Variants in LRFN5 observed in about 807,000 individuals in gnomAD.
The protein encoded by LRFN5 is leucine-rich repeat and fibronectin type-III domain-containing protein 5.
A neutral mutation model predicts 45.6 loss-of-function variants in LRFN5; 24 were observed. The observed-to-expected ratio is 0.53, with a 90% CI of 0.38 to 0.74. LRFN5 has a LOEUF of 0.74. Ranked by LOEUF, LRFN5 falls within the 30% of genes least tolerant of loss-of-function variation. The pLI, the probability that LRFN5 is intolerant of heterozygous loss-of-function variation, is 0.00. For missense variants in LRFN5, 776 were observed against 861.5 expected (o/e 0.90, Z 1.24); for synonymous variants, 340 against 313.8 (o/e 1.08, Z -0.88).
chr14:41,720,224 G>A (rs1290725765), intron 1 of LRFN5, among the ~76,000 whole-genome samples: 1 of 152,050 alleles, frequency 6.6e-6, no homozygotes, highest in African/African-American at 2.4e-5. Context: ...AATTTACTTA[G>A]GATAATGGTA....
At chr14:41,884,858 T>A (rs2139146614) in intron 2 of LRFN5, among the ~76,000 whole-genome samples, 1 of 152,144 alleles carries the variant, frequency 6.6e-6, no homozygotes, top group Admixed American at 6.5e-5. Context: ...CAATCTGGGG[T>A]CATTCTAAAT....
intron 3 of LRFN5, among the ~76,000 whole-genome samples, chr14:41,889,865 C>CTTTA (rs1048592033): frequency 1.3e-5 from 2 of 151,954 alleles, no homozygotes; most frequent in African/African-American, 2.4e-5. Flanking sequence ...TCTATAAACT[C>CTTTA]TTTATTTATT....
intron 1 of LRFN5, among the ~76,000 whole-genome samples, chr14:41,755,022 A>G (rs1885310291): frequency 2.6e-5 from 4 of 151,538 alleles, no homozygotes; most frequent in Non-Finnish European, 5.9e-5. Context: ...TTCGTTATGT[A>G]CCCGGTAGTC....
chr14:41,748,684 T>A (rs939264777), intron 1 of LRFN5, among the ~76,000 whole-genome samples: 4 of 151,846 alleles, frequency 2.6e-5, no homozygotes, highest in Admixed American at 2.0e-4. Context: ...TATTAAAAAC[T>A]CAGAAAAAAA....
At chr14:41,710,906 C>G (rs1468696971) in intron 1 of LRFN5, among the ~76,000 whole-genome samples, 2 of 147,994 alleles carry the variant, frequency 1.4e-5, no homozygotes, top group East Asian at 3.9e-4. Context: ...TGATGGTTTG[C>G]AGCTTCATCC....
In LRFN5 at chr14:41,891,913, C is replaced by G. The variant is rs559959500; in HGVS notation, c.2049C>G (p.Pro683=). 6.2e-7 allele frequency: 1 copy of G among 1,613,944 alleles called. No homozygotes were observed. The highest frequency in any genetic ancestry group is 1.7e-5 in the Admixed American group (1 of 59,986). ...CCTTGCAGTTAGCTAGCCGTCCTCC[C>G]GATTCTGTCACAGAGGGGCCCACGT... ...STALQLASRP[P]DSVTEGPTSK... is the part of the protein sequence containing the mutation. The change falls in exon 4 of 6, where the codon CCC becomes CCG. Residue 683 remains proline, a synonymous_variant. Transcript: ENST00000298119.
At chr14:41,729,997 G>A (rs544655231) in intron 1 of LRFN5, among the ~76,000 whole-genome samples, 4 of 151,968 alleles carry the variant, frequency 2.6e-5, no homozygotes, top group Non-Finnish European at 5.9e-5. Flanking sequence ...AAACCAAATC[G>A]TATATAAACT....
intron 5 of LRFN5, among the ~76,000 whole-genome samples, chr14:41,903,901 T>C (rs1891171673): frequency 6.6e-6 from 1 of 152,032 alleles, no homozygotes; most frequent in Non-Finnish European, 1.5e-5. Flanking sequence ...TTATCTAGGC[T>C]TCATATACTT....
In LRFN5 at chr14:41,664,755, ACAAAAATGATTAT is replaced by A. The variant is rs536528494; in HGVS notation, c.-197+56194_-197+56206del. Among the ~76,000 whole-genome samples the A allele has an allele frequency of 5.4e-3, 821 of 152,198 alleles. 10 individuals are homozygous for A. Among genetic ancestry groups the A allele is most frequent in the Non-Finnish European group, 8.2e-3 (556 of 67,980 alleles). On this transcript the variant is annotated intron_variant, in intron 1 of 5. Transcript: ENST00000298119. Reference sequence around the variant, plus strand: ...AAAATTATGCAATATACATTCAATCACAAAAATGATTATTTTTCTACTCTGAGAGAGTTCTTTA... The same window carrying A: ...AAAATTATGCAATATACATTCAATCATTTTCTACTCTGAGAGAGTTCTTTA...
chr14:41,756,120 T>G (rs1402176349), intron 1 of LRFN5, among the ~76,000 whole-genome samples: 1 of 152,210 alleles, frequency 6.6e-6, no homozygotes, highest in African/African-American at 2.4e-5. Context: ...TTGTAGAGTA[T>G]CTGCCGAGAG....
chr14:41,794,810 A>G (rs1349847453), intron 2 of LRFN5, among the ~76,000 whole-genome samples: 1 of 152,072 alleles, frequency 6.6e-6, no homozygotes, highest in Non-Finnish European at 1.5e-5. Flanking sequence ...ATATAAAAAA[A>G]TGCATAATCT....
intron 1 of LRFN5, among the ~76,000 whole-genome samples, chr14:41,766,277 C>T (rs1225930293): frequency 2.0e-5 from 3 of 151,928 alleles, no homozygotes; most frequent in African/African-American, 7.3e-5. Flanking sequence ...ACATGAAAAC[C>T]TCAAAAAGAG....
At chr14:41,893,621 A>G (rs1222915859) in intron 4 of LRFN5, 1 of 985,388 alleles carries the variant, frequency 1.0e-6, no homozygotes, top group Non-Finnish European at 1.2e-6. Flanking sequence ...TCCTTCTGGT[A>G]GAAGCATATA....
intron 1 of LRFN5, among the ~76,000 whole-genome samples, chr14:41,645,143 G>A (rs1455473658): frequency 6.6e-6 from 1 of 152,144 alleles, no homozygotes; most frequent in Non-Finnish European, 1.5e-5. Flanking sequence ...TTCACAGTCT[G>A]GTTGAGGGGA....
At chr14:41,825,445 G>A (rs1185189384) in intron 2 of LRFN5, among the ~76,000 whole-genome samples, 2 of 152,160 alleles carry the variant, frequency 1.3e-5, no homozygotes, top group Non-Finnish European at 2.9e-5. Context: ...GGGAGCTCTT[G>A]GTACGGGAGA....
intron 2 of LRFN5, among the ~76,000 whole-genome samples, chr14:41,793,223 C>A (rs1886996091): frequency 6.6e-6 from 1 of 151,932 alleles, no homozygotes. Context: ...TCATGTTCCT[C>A]TGCCGGGGCT....
intron 2 of LRFN5, among the ~76,000 whole-genome samples, chr14:41,872,256 T>C (rs1025155432): frequency 2.0e-5 from 3 of 152,250 alleles, no homozygotes; most frequent in Admixed American, 6.5e-5. Context: ...GTGGATGATT[T>C]ACTATTGAAA....
At chr14:41,860,445 A>G (rs1889621522) in intron 2 of LRFN5, among the ~76,000 whole-genome samples, 1 of 152,172 alleles carries the variant, frequency 6.6e-6, no homozygotes, top group South Asian at 2.1e-4. Context: ...CCAAATATAC[A>G]ATATTTTAAT....
At chr14:41,843,253 A>G (rs1888928774) in intron 2 of LRFN5, among the ~76,000 whole-genome samples, 1 of 151,676 alleles carries the variant, frequency 6.6e-6, no homozygotes, top group Non-Finnish European at 1.5e-5. Flanking sequence ...CATCATGCCC[A>G]GCTATATTCT....
Sources: allele counts gnomAD v4.1 joint callset (sites outside exome capture counted in the v4.1 genomes callset), GRCh38; gene constraint gnomAD v4.1.1; transcripts MANE v1.5; gene names NCBI Gene and HGNC (gene_info 2026-07-23, HGNC 2026-07-21).